MTHFD1L: variants seen among roughly 807,000 people sequenced by gnomAD.
MTHFD1L encodes the protein monofunctional C1-tetrahydrofolate synthase, mitochondrial.
MTHFD1L carries 81 observed loss-of-function variants against 119.5 expected under a neutral mutation model. That is an observed-to-expected ratio of 0.68 (90% CI 0.57 to 0.82). The LOEUF (loss-of-function observed/expected upper bound fraction) is 0.82. Among genes scored for constraint, MTHFD1L ranks in the 40% least tolerant of loss-of-function variants. The pLI is 0.00. For synonymous variants in MTHFD1L, 430 were observed against 475.2 expected, an observed-to-expected ratio of 0.90 and a Z score of 1.24; for missense variants, 1,125 against 1,253.4, an observed-to-expected ratio of 0.90 and a Z score of 1.55.
intron 20 of MTHFD1L, among the ~76,000 whole-genome samples, chr6:151,000,321 GA>G (rs1780431002): frequency 6.7e-6 from 1 of 148,882 alleles, no homozygotes; most frequent in Non-Finnish European, 1.5e-5. Context: ...TGGCAACAGG[GA>G]GAGACTCTGT....
intron 16 of MTHFD1L, among the ~76,000 whole-genome samples, chr6:150,953,880 T>G (rs147978476): frequency 0.012 from 1,875 of 152,342 alleles, 36 homozygotes; most frequent in African/African-American, 0.042. Flanking sequence ...GCACCCCATG[T>G]ACATCTTGGG....
intron 25 of MTHFD1L, 146 bp downstream of exon 25, chr6:151,034,746 G>A (rs920047223): frequency 4.2e-5 from 27 of 650,440 alleles, no homozygotes; most frequent in African/African-American, 5.5e-5. Flanking sequence ...TAATATCCTC[G>A]GGTAGAGTGT....
intron 26 of MTHFD1L, chr6:151,088,255 A>G (rs546150311): frequency 1.7e-4 from 26 of 152,298 alleles, no homozygotes; most frequent in African/African-American, 6.3e-4. Context: ...TCGCGTCTGC[A>G]GATTCTTTGT....
chr6:150,944,484 A>G lies in MTHFD1L; in HGVS notation c.1441-2A>G, dbSNP rs747632156. 1 of 1,605,620 alleles carries G rather than the reference A, an allele frequency of 6.2e-7. No homozygotes were observed. The highest frequency in any genetic ancestry group is 8.5e-7 in the Non-Finnish European group (1 of 1,173,110). On this transcript the variant is annotated splice_acceptor_variant, in intron 13 of 27. Coordinates refer to ENST00000367321, the MANE Select transcript of MTHFD1L (RefSeq NM_015440.5). LOFTEE classifies it high-confidence loss of function. ...AAATAGAAAGATATCTTATTTCTCT[A>G]GTTCAACCTTCACTTGACTGGAGAC...
In MTHFD1L at chr6:151,046,469, GTGTATATATATATATATATA is replaced by G. The variant is rs1290228091; in HGVS notation, c.2847+9354_2847+9373del. ...ATATATATATATATAATATGTGTGT[GTGTATATATATATATATATA>G]TATATATATATATATATATATATAT... On this transcript the variant is annotated intron_variant, in intron 26 of 27. Transcript: ENST00000367321. Among the ~76,000 whole-genome samples the G allele has an allele frequency of 1.7e-3, 201 of 116,852 alleles. 6 individuals carry two copies. Among genetic ancestry groups the G allele is most frequent in the African/African-American group, 4.3e-3 (122 of 28,482 alleles). The allele number at this position is 116,852 out of a possible 152,430, so 76.7% of individuals were successfully genotyped here. A position where few individuals can be genotyped will look rare whatever the true frequency, so the allele number is the denominator to read the frequency against.
chr6:151,003,353 G>A (rs148381195), intron 20 of MTHFD1L, among the ~76,000 whole-genome samples: 1 of 152,284 alleles, frequency 6.6e-6, no homozygotes, highest in East Asian at 1.9e-4. Flanking sequence ...CCAACATGGT[G>A]AAACCCTGAC....
At chr6:150,947,677 T>C (rs934760995) in intron 15 of MTHFD1L, among the ~76,000 whole-genome samples, 2 of 144,770 alleles carry the variant, frequency 1.4e-5, no homozygotes, top group South Asian at 4.4e-4. Flanking sequence ...TAACTTGAAT[T>C]ACTGGTATTT....
intron 8 of MTHFD1L, among the ~76,000 whole-genome samples, chr6:150,913,787 A>G (rs1475680068): frequency 2.0e-5 from 3 of 152,144 alleles, no homozygotes; most frequent in Admixed American, 6.6e-5. Context: ...TGAGCTCACG[A>G]GTTCGAGACC....
chr6:151,046,471 G>GTGTATATA lies in MTHFD1L; in HGVS notation c.2847+9355_2847+9356insGTATATAT, dbSNP rs1171603108. Reference sequence around the variant, plus strand: ...ATATATATATATAATATGTGTGTGTGTATATATATATATATATATATATAT... The same window carrying GTGTATATA: ...ATATATATATATAATATGTGTGTGTGTGTATATATATATATATATATATATATATATAT... On this transcript the variant is annotated intron_variant, in intron 26 of 27. Coordinates refer to ENST00000367321, the MANE Select transcript of MTHFD1L (RefSeq NM_015440.5). Among the ~76,000 whole-genome samples the GTGTATATA allele has an allele frequency of 6.3e-3, 227 of 36,252 alleles. 1 individual carries two copies. Among genetic ancestry groups the GTGTATATA allele is most frequent in the East Asian group, 0.016 (20 of 1,228 alleles). 23.8% of individuals were successfully genotyped at this position (36,252 alleles called of 152,430 possible). A position where few individuals can be genotyped will look rare whatever the true frequency, so the allele number is the denominator to read the frequency against.
At chr6:151,071,837 A>ATTTTTTT (rs753092094) in intron 26 of MTHFD1L, among the ~76,000 whole-genome samples, 180 of 107,318 alleles carry the variant, frequency 1.7e-3, no homozygotes, top group East Asian at 4.1e-3. Context: ...GTAAGTACAG[A>ATTTTTTT]TTTTTTTTTT....
intron 20 of MTHFD1L, among the ~76,000 whole-genome samples, chr6:150,976,669 T>G (rs988107887): frequency 1.3e-5 from 2 of 152,178 alleles, no homozygotes; most frequent in Non-Finnish European, 2.9e-5. Flanking sequence ...TGGCCTGCAT[T>G]AAGAAGTAAA....
Position 151,015,603 on chromosome 6 carries a change from C to A in MTHFD1L, c.2496C>A (p.Ser832=), listed in dbSNP as rs509474. The change falls in exon 24 of 28, where the codon TCC becomes TCA. Residue 832 remains serine (S), a synonymous_variant. Coordinates refer to ENST00000367321, the MANE Select transcript of MTHFD1L (RefSeq NM_015440.5). ...AFDAVPCYHW[S]VGGKGSVDLA... is the part of the protein sequence containing the mutation. Reference sequence around the variant, plus strand: ...ATGCAGTCCCCTGCTATCACTGGTCCGTTGGTGGAAAAGGATCGGTGGACT... The same window carrying A: ...ATGCAGTCCCCTGCTATCACTGGTCAGTTGGTGGAAAAGGATCGGTGGACT... 33 of 1,613,812 alleles carry A rather than the reference C, an allele frequency of 2.0e-5. No homozygotes were observed. The highest frequency in any genetic ancestry group is 1.7e-4 in the African/African-American group (13 of 74,846).
In MTHFD1L at chr6:150,926,092, TTCTC is replaced by T; in HGVS notation, c.1083-26_1083-23del. The T allele has an allele frequency of 1.3e-6, 2 of 1,591,290 alleles. No homozygotes were observed. The highest frequency in any genetic ancestry group is 1.7e-6 in the Non-Finnish European group (2 of 1,165,180). On this transcript the variant is annotated intron_variant, in intron 10 of 27. Transcript: ENST00000367321. The surrounding 1 kb of genome is among the most constrained non-coding windows in gnomAD (Gnocchi z 4.3). ...GTGACCACCTAAGCTGAGAAGCCTTTTCTCTCTTTCGTATTGTCTTTCCCCTCAG... is the reference window on the plus strand; with the variant it reads ...GTGACCACCTAAGCTGAGAAGCCTTTTCTTTCGTATTGTCTTTCCCCTCAG...
chr6:151,048,720 A>G (rs1788498324), intron 26 of MTHFD1L, among the ~76,000 whole-genome samples: 1 of 152,218 alleles, frequency 6.6e-6, no homozygotes, highest in Non-Finnish European at 1.5e-5. Flanking sequence ...CAGCAAGACT[A>G]AAAAACCAGG....
chr6:151,044,079 G>T (rs1787561361), intron 26 of MTHFD1L, among the ~76,000 whole-genome samples: 1 of 152,178 alleles, frequency 6.6e-6, no homozygotes. Flanking sequence ...TCTGGGGGCA[G>T]GGTGGCTCCT....
chr6:151,083,485 A>C (rs1793425542), intron 26 of MTHFD1L, among the ~76,000 whole-genome samples: 1 of 152,150 alleles, frequency 6.6e-6, no homozygotes, highest in Admixed American at 6.5e-5. Context: ...CGTGAGCCAC[A>C]GCGCCCGGCC....
intron 20 of MTHFD1L, among the ~76,000 whole-genome samples, chr6:150,992,512 A>C (rs1278033733): frequency 1.3e-5 from 2 of 152,218 alleles, no homozygotes; most frequent in Non-Finnish European, 2.9e-5. Flanking sequence ...AAAGAGGAAC[A>C]ATCTTAAGTA....
In MTHFD1L at chr6:151,093,481, A is replaced by C. The variant is rs534881002; in HGVS notation, c.*31+894A>C. 2.0e-5 allele frequency among the ~76,000 whole-genome samples: 3 copies of C among 151,826 alleles called. No homozygotes were observed. The East Asian group carries it at 5.8e-4, about 30-fold the overall frequency. ...AGACCAGCCTGGCCAAGATGGTGAA[A>C]CCCCGTCTCTACTAAAAATACGAAA... is the stretch of plus-strand genomic sequence containing the variant. On this transcript the variant is annotated intron_variant, in intron 27 of 27. Transcript: ENST00000367321.
intron 13 of MTHFD1L, among the ~76,000 whole-genome samples, chr6:150,940,382 C>T (rs1274402818): frequency 6.6e-6 from 1 of 152,048 alleles, no homozygotes; most frequent in Non-Finnish European, 1.5e-5. Context: ...AAAATCGTCC[C>T]AGGCCTCAGG....
Sources: allele counts gnomAD v4.1 joint callset (sites outside exome capture counted in the v4.1 genomes callset), GRCh38; gene constraint gnomAD v4.1.1; non-coding constraint Gnocchi (gnomAD v3.1); transcripts MANE v1.5; gene names NCBI Gene and HGNC (gene_info 2026-07-23, HGNC 2026-07-21).